TATDN3: variants seen among roughly 807,000 people sequenced by gnomAD.
The protein encoded by TATDN3 is deoxyribonuclease TATDN3.
TATDN3 carries 29 observed loss-of-function variants against 40.1 expected under a neutral mutation model. That is an observed-to-expected ratio of 0.72 (90% CI 0.54 to 0.99). The LOEUF is 0.99. Among genes scored for constraint, TATDN3 ranks in the 50% least tolerant of loss-of-function variants. TATDN3 has a pLI of 0.00. For missense variants in TATDN3, 309 were observed against 321.9 expected (o/e 0.96, Z 0.31); for synonymous variants, 105 against 117.0 (o/e 0.90, Z 0.66).
intron 2 of TATDN3, among the ~76,000 whole-genome samples, chr1:212,796,182 C>T (rs1324479958): frequency 6.6e-6 from 1 of 152,184 alleles, no homozygotes; most frequent in East Asian, 1.9e-4. Flanking sequence ...ATACAGGTAA[C>T]TTTCACTGTG....
At chr1:212,796,060 T>G (rs1005653582) in intron 2 of TATDN3, among the ~76,000 whole-genome samples, 1 of 152,206 alleles carries the variant, frequency 6.6e-6, no homozygotes, top group African/African-American at 2.4e-5. Context: ...GATGTTTTGA[T>G]TTGCTTAGAA....
chr1:212,810,618 T>C (rs1662819625), intron 8 of TATDN3, among the ~76,000 whole-genome samples: 1 of 150,646 alleles, frequency 6.6e-6, no homozygotes, highest in Non-Finnish European at 1.5e-5. Flanking sequence ...GCCCAGGAGA[T>C]GGAGGGTCCA....
intron 8 of TATDN3, among the ~76,000 whole-genome samples, chr1:212,808,730 A>G (rs1662688205): frequency 1.3e-5 from 2 of 152,222 alleles, no homozygotes; most frequent in South Asian, 4.1e-4. Flanking sequence ...CTCATTAGCC[A>G]TTTTGGAAAT....
chr1:212,803,906 G>A (rs1662308777), intron 5 of TATDN3, among the ~76,000 whole-genome samples: 1 of 151,928 alleles, frequency 6.6e-6, no homozygotes, highest in Admixed American at 6.6e-5. Context: ...CGTGGTAGCA[G>A]GCACCTGTAA....
chr1:212,795,542 A>G (rs1245351174), intron 2 of TATDN3, among the ~76,000 whole-genome samples: 2 of 152,062 alleles, frequency 1.3e-5, no homozygotes, highest in African/African-American at 4.8e-5. Flanking sequence ...AAGTGCTGAG[A>G]TTGCAGGCGT....
At chr1:212,800,183 A>G (rs1370668686) in intron 4 of TATDN3, among the ~76,000 whole-genome samples, 1 of 152,206 alleles carries the variant, frequency 6.6e-6, no homozygotes, top group Non-Finnish European at 1.5e-5. Flanking sequence ...TACTATTACC[A>G]GGCACAGTTT....
chr1:212,800,863 C>T (rs1228910935), intron 4 of TATDN3, among the ~76,000 whole-genome samples: 1 of 150,700 alleles, frequency 6.6e-6, no homozygotes, highest in Non-Finnish European at 1.5e-5. Context: ...GTATTATGCC[C>T]AATCATAAGG....
intron 1 of TATDN3, 132 bp downstream of exon 1, chr1:212,792,119 C>A (rs1348372149): frequency 2.3e-6 from 2 of 862,882 alleles, no homozygotes; most frequent in Admixed American, 2.7e-5. Flanking sequence ...GGCCATATGA[C>A]CTTGCCCCTC....
At chr1:212,800,567 T>G (rs1231470714) in intron 4 of TATDN3, among the ~76,000 whole-genome samples, 2 of 152,176 alleles carry the variant, frequency 1.3e-5, no homozygotes, top group Admixed American at 6.5e-5. Flanking sequence ...CTAAAGGTTC[T>G]GAAGACTAAA....
chr1:212,794,782 G>A (rs561812281), intron 1 of TATDN3: 5 of 514,706 alleles, frequency 9.7e-6, no homozygotes, highest in South Asian at 7.7e-5. Context: ...AGGGTGGAAA[G>A]CATTTCAAGA....
At chr1:212,803,001 T>G (rs1024409572) in intron 5 of TATDN3, among the ~76,000 whole-genome samples, 1 of 152,172 alleles carries the variant, frequency 6.6e-6, no homozygotes, top group Non-Finnish European at 1.5e-5. Context: ...CATTTCTAAA[T>G]ACTTTGCTTT....
intron 7 of TATDN3, among the ~76,000 whole-genome samples, chr1:212,805,508 G>A (rs368775462): frequency 6.6e-6 from 1 of 151,990 alleles, no homozygotes; most frequent in Non-Finnish European, 1.5e-5. Context: ...CACACGCCTC[G>A]GCCTCCCAAA....
At chr1:212,810,855 C>T (rs1485506264) in intron 8 of TATDN3, among the ~76,000 whole-genome samples, 1 of 152,018 alleles carries the variant, frequency 6.6e-6, no homozygotes, top group Non-Finnish European at 1.5e-5. Flanking sequence ...GCTGGGTATA[C>T]CTCATTTTTG....
chr1:212,794,381 A>G (rs1661589333), intron 1 of TATDN3, among the ~76,000 whole-genome samples: 2 of 152,130 alleles, frequency 1.3e-5, no homozygotes, highest in South Asian at 4.1e-4. Flanking sequence ...ACCTGAGATC[A>G]GGAGTTAAAG....
chr1:212,801,327 AC>A (rs527421865), intron 4 of TATDN3, among the ~76,000 whole-genome samples: 35 of 152,232 alleles, frequency 2.3e-4, no homozygotes, highest in African/African-American at 8.4e-4. Context: ...GTTTACATCT[AC>A]TAAAATAAAA....
At chr1:212,793,610 C>G (rs2102424484) in intron 1 of TATDN3, among the ~76,000 whole-genome samples, 1 of 152,200 alleles carries the variant, frequency 6.6e-6, no homozygotes. Flanking sequence ...AGTATATAGG[C>G]AAGAGATGTT....
At position 212,806,817 on chromosome 1, in the gene TATDN3, C is replaced by T. The variant is rs529700048; in HGVS notation, c.488-919C>T. Reference sequence around the variant, plus strand: ...ACACACACATATATACACATATATACACATATATACATATATATACATATA... The same window carrying T: ...ACACACACATATATACACATATATATACATATATACATATATATACATATA... On this transcript the variant is annotated intron_variant, in intron 7 of 9. Transcript: ENST00000366974. Among the ~76,000 whole-genome samples the T allele has an allele frequency of 2.8e-3, 301 of 107,030 alleles. 43 individuals are homozygous for T. The highest frequency in any genetic ancestry group is 0.01 in the Middle Eastern group (2 of 194). The allele number at this position is 107,030 out of a possible 152,430, so 70.2% of individuals were successfully genotyped here.
chr1:212,795,219 T>C, intron 2 of TATDN3, 92 bp downstream of exon 2: 2 of 775,546 alleles, frequency 2.6e-6, no homozygotes, highest in Non-Finnish European at 2.2e-6. Flanking sequence ...ACTACCTTGA[T>C]GTTTCAGTAG....
rs957034137 is a variant in TATDN3 at position 212,810,635 on chromosome 1, C to T, written c.601-1613C>T. On this transcript the variant is annotated intron_variant, in intron 8 of 9. Coordinates refer to ENST00000366974, the MANE Select transcript of TATDN3 (RefSeq NM_001042552.3). ...CCAGGAGATGGAGGGTCCAGTGAGC[C>T]GAGTACGTGCCACTCCACTCCAACA... Among the ~76,000 whole-genome samples, 26 of 151,846 alleles carry T rather than the reference C, an allele frequency of 1.7e-4. No homozygotes were observed. The Middle Eastern group carries it at 0.01, about 60-fold the overall frequency.
Sources: allele counts gnomAD v4.1 joint callset (sites outside exome capture counted in the v4.1 genomes callset), GRCh38; gene constraint gnomAD v4.1.1; transcripts MANE v1.5; gene names NCBI Gene and HGNC (gene_info 2026-07-23, HGNC 2026-07-21).